CEP85L: variants seen among roughly 807,000 people sequenced by gnomAD.
CEP85L encodes centrosomal protein of 85 kDa-like.
Under a neutral mutation model 100.3 loss-of-function variants are expected in CEP85L, and 60 were observed. The ratio of observed to expected loss-of-function variants is 0.60; its 90% CI spans 0.49 to 0.74. The LOEUF is 0.74. Among genes scored for constraint, CEP85L ranks in the 30% least tolerant of loss-of-function variants. The pLI is 0.00. For missense variants in CEP85L, 973 were observed against 936.2 expected (o/e 1.04, Z -0.51); for synonymous variants, 319 against 322.7 (o/e 0.99, Z 0.12).
At chr6:118,494,198 G>A (rs766632828) in intron 5 of CEP85L, among the ~76,000 whole-genome samples, 1 of 152,128 alleles carries the variant, frequency 6.6e-6, no homozygotes, top group Non-Finnish European at 1.5e-5. Context: ...AGATAAATCT[G>A]AGAGTTAAAA....
chr6:118,470,397 T>G, intron 11 of CEP85L, 140 bp downstream of exon 11: 1 of 458,848 alleles, frequency 2.2e-6, no homozygotes. Context: ...TTATAATAAT[T>G]TTGGTAAGAA....
chr6:118,547,012 G>T (rs2114908745), intron 3 of CEP85L, among the ~76,000 whole-genome samples: 1 of 152,172 alleles, frequency 6.6e-6, no homozygotes, highest in Admixed American at 6.5e-5. Context: ...AAGAAGCCAA[G>T]ATCATTTCCA....
intron 3 of CEP85L, among the ~76,000 whole-genome samples, chr6:118,558,255 T>C (rs1778993122): frequency 6.6e-6 from 1 of 152,164 alleles, no homozygotes; most frequent in Admixed American, 6.5e-5. Flanking sequence ...CTGGCCTATC[T>C]GGTTTTTATT....
intron 1 of CEP85L, among the ~76,000 whole-genome samples, chr6:118,696,556 G>A (rs929784558): frequency 6.6e-6 from 1 of 152,212 alleles, no homozygotes; most frequent in Admixed American, 6.5e-5. Context: ...CTGCATCCAA[G>A]TTGCTGTAGA....
chr6:118,684,825 A>AT (rs948252889), intron 1 of CEP85L, among the ~76,000 whole-genome samples: 3 of 150,832 alleles, frequency 2.0e-5, no homozygotes, highest in African/African-American at 2.4e-5. Flanking sequence ...TTTTATTATT[A>AT]TTTTTTTTTA....
chr6:118,561,575 A>T (rs1779227100), intron 3 of CEP85L, among the ~76,000 whole-genome samples: 1 of 152,112 alleles, frequency 6.6e-6, no homozygotes, highest in Admixed American at 6.5e-5. Flanking sequence ...CTATAGAATA[A>T]GTTCTTATCT....
Position 118,465,772 on chromosome 6 carries a change from C to A in CEP85L, c.2255-204G>T, listed in dbSNP as rs78175957. On this transcript the variant is annotated intron_variant, in intron 12 of 12. Coordinates refer to ENST00000368491, the MANE Select transcript of CEP85L (RefSeq NM_001042475.3). ...TCCTTTATAAATTTCACAAATTAAA[C>A]TGAATTAAATGCACACAGTGATACA... Among the ~76,000 whole-genome samples, 584 of 152,170 alleles carry A rather than the reference C, an allele frequency of 3.8e-3. 3 individuals are homozygous for A. The highest frequency in any genetic ancestry group is 0.013 in the African/African-American group (558 of 41,520).
chr6:118,586,578 A>G (rs73766563), intron 2 of CEP85L, among the ~76,000 whole-genome samples: 4,442 of 152,146 alleles, frequency 0.029, 222 homozygotes, highest in African/African-American at 0.1. Flanking sequence ...GAAACATCAC[A>G]CTCAAGTCAA....
At chr6:118,501,828 GAGA>G in intron 5 of CEP85L, 10 of 1,292,876 alleles carry the variant, frequency 7.7e-6, no homozygotes, top group East Asian at 2.4e-5. Flanking sequence ...GAGAGAGAGA[GAGA>G]GGACTCTGGA....
upstream of CEP85L, among the ~76,000 whole-genome samples, chr6:118,655,490 T>C (rs939061740): frequency 2.6e-5 from 4 of 152,258 alleles, no homozygotes; most frequent in Non-Finnish European, 5.9e-5. Flanking sequence ...ACAAGATCAT[T>C]TACTTGTTTG....
intron 3 of CEP85L, among the ~76,000 whole-genome samples, chr6:118,541,233 T>G (rs1462357966): frequency 2.0e-5 from 3 of 152,214 alleles, no homozygotes; most frequent in Admixed American, 1.3e-4. Context: ...CTCATCACCT[T>G]TGACCAACTG....
intron 2 of CEP85L, among the ~76,000 whole-genome samples, chr6:118,583,061 C>G (rs1252656070): frequency 2.6e-5 from 4 of 152,140 alleles, no homozygotes; most frequent in Non-Finnish European, 5.9e-5. Flanking sequence ...GAGGGAATGC[C>G]CAGGCAGCAA....
intron 1 of CEP85L, among the ~76,000 whole-genome samples, chr6:118,677,279 G>C (rs1388583433): frequency 6.6e-6 from 1 of 152,156 alleles, no homozygotes; most frequent in African/African-American, 2.4e-5. Flanking sequence ...AAGAAAGCTA[G>C]ACAGCAGAAG....
intron 1 of CEP85L, among the ~76,000 whole-genome samples, chr6:118,680,712 A>T (rs114681657): frequency 0.36 from 54,628 of 151,682 alleles, 10,050 homozygotes; most frequent in Middle Eastern, 0.42. Context: ...CCCTGCCTCT[A>T]CAAAAATACA....
At chr6:118,682,523 G>A (rs972303321) in intron 1 of CEP85L, among the ~76,000 whole-genome samples, 28 of 151,718 alleles carry the variant, frequency 1.8e-4, no homozygotes, top group African/African-American at 6.8e-4. Context: ...TCACCTCCAG[G>A]GGTACACAGT....
At chr6:118,678,953 T>G (rs538793581) in intron 1 of CEP85L, among the ~76,000 whole-genome samples, 1 of 152,280 alleles carries the variant, frequency 6.6e-6, no homozygotes, top group East Asian at 1.9e-4. Flanking sequence ...GAATGCATAT[T>G]TCCTTTCTCC....
intron 2 of CEP85L, among the ~76,000 whole-genome samples, chr6:118,602,438 T>C (rs763919266): frequency 6.6e-5 from 10 of 152,234 alleles, no homozygotes; most frequent in East Asian, 1.9e-4. Flanking sequence ...ATGGGGTTGC[T>C]AGCTGATTGC....
chr6:118,600,852 T>C (rs952282083), intron 2 of CEP85L, among the ~76,000 whole-genome samples: 2 of 151,756 alleles, frequency 1.3e-5, no homozygotes, highest in African/African-American at 4.8e-5. Flanking sequence ...AGGAATAAAA[T>C]TGAGGCGTGT....
chr6:118,462,963 A>C lies in CEP85L; in HGVS notation c.*2442T>G, dbSNP rs1772305959. ...TTTACAAACTCCAGATTTTAAGAGG[A>C]TCAATCTATAATTCAGCTAACTACT... On this transcript the variant is annotated 3_prime_UTR_variant, in exon 13 of 13. Coordinates refer to ENST00000368491, the MANE Select transcript of CEP85L (RefSeq NM_001042475.3). The C allele has an allele frequency of 6.6e-6, 1 of 151,994 alleles. No homozygotes were observed. The highest frequency in any genetic ancestry group is 1.5e-5 in the Non-Finnish European group (1 of 67,896). 9.4% of individuals were successfully genotyped at this position (151,994 alleles called of 1,614,324 possible). A position where few individuals can be genotyped will look rare whatever the true frequency, so the allele number is the denominator to read the frequency against.
Sources: gnomAD v4.1 joint callset for allele counts (sites outside exome capture counted in the v4.1 genomes callset) on GRCh38, gnomAD v4.1.1 for gene constraint, MANE v1.5 for transcripts, NCBI Gene and HGNC (gene_info 2026-07-23, HGNC 2026-07-21) for gene names.